Variants in PAX5 observed in about 807,000 individuals in gnomAD.
PAX5 encodes the protein paired box protein Pax-5.
Under a neutral mutation model 43.7 loss-of-function variants are expected in PAX5, and 9 were observed. The ratio of observed to expected loss-of-function variants is 0.21; its 90% CI spans 0.12 to 0.36. The LOEUF (loss-of-function observed/expected upper bound fraction) is 0.36. PAX5 is among the 10% of genes least tolerant of loss of function. The probability of loss-of-function intolerance (pLI) is 1.00; values close to 1 mark genes in which losing one functional copy is unlikely to be tolerated. For synonymous variants in PAX5, 228 were observed against 214.3 expected, an observed-to-expected ratio of 1.06 and a Z score of -0.56; for missense variants, 383 against 532.7, an observed-to-expected ratio of 0.72 and a Z score of 2.77.
chr9:36,959,867 C>T (rs1019594432), intron 6 of PAX5, among the ~76,000 whole-genome samples: 1 of 152,206 alleles, frequency 6.6e-6, no homozygotes, highest in African/African-American at 2.4e-5. Context: ...TACTGTGTGC[C>T]CTTGGCTAAG....
intron 8 of PAX5, among the ~76,000 whole-genome samples, chr9:36,865,509 T>A (rs1161079731): frequency 6.6e-6 from 1 of 151,072 alleles, no homozygotes; most frequent in East Asian, 1.9e-4. Context: ...AATAAGTGAG[T>A]CAAGGAAGAA....
intron 8 of PAX5, among the ~76,000 whole-genome samples, chr9:36,852,261 G>A (rs1202625858): frequency 2.0e-5 from 3 of 152,194 alleles, no homozygotes. Context: ...TCCTGGGCAG[G>A]TGGGAAGAGG....
At position 36,916,155 on chromosome 9, in the gene PAX5, T is replaced by C. The variant is rs1829715122; in HGVS notation, c.910+7200A>G. Among the ~76,000 whole-genome samples the C allele has an allele frequency of 2.6e-5, 4 of 152,146 alleles. No homozygotes were observed. In the South Asian group the frequency reaches 8.3e-4, roughly 32 times the overall value. On this transcript the variant is annotated intron_variant, in intron 7 of 9. Transcript: ENST00000358127. ...TTGTTCAACCTGAATCTTATTTTAA[T>C]ATAAAGAGTGAGGAAGGTATTCAAC...
chr9:36,944,100 C>T (rs918850063), intron 6 of PAX5, among the ~76,000 whole-genome samples: 1 of 152,198 alleles, frequency 6.6e-6, no homozygotes, highest in African/African-American at 2.4e-5. Context: ...AGGAAGATTG[C>T]TTGTGCCCCG....
At chr9:37,023,017 G>A (rs1458724119) in intron 1 of PAX5, among the ~76,000 whole-genome samples, 4 of 152,110 alleles carry the variant, frequency 2.6e-5, no homozygotes, top group Non-Finnish European at 5.9e-5. Flanking sequence ...TCTGGAATTG[G>A]TAAGAAGTGA....
chr9:36,899,325 T>A (rs865862185), intron 7 of PAX5, among the ~76,000 whole-genome samples: 14 of 152,224 alleles, frequency 9.2e-5, no homozygotes, highest in South Asian at 4.1e-4. Context: ...GACAGCTGTC[T>A]AGTAGAAGAC....
Position 36,843,080 on chromosome 9 carries a change from C to G in PAX5, c.1100-2444G>C, listed in dbSNP as rs149317148. Among the ~76,000 whole-genome samples, 11 of 150,010 alleles carry G rather than the reference C, an allele frequency of 7.3e-5. No homozygotes were observed. The East Asian group carries it at 2.0e-3, about 27-fold the overall frequency. ...TATCAGTGTGTGAGCGTGTGTGTGC[C>G]TGTGTGTGTGTGCGTGTGTGTGTGT... On this transcript the variant is annotated intron_variant, in intron 9 of 9. Transcript: ENST00000358127.
intron 6 of PAX5, among the ~76,000 whole-genome samples, chr9:36,946,842 C>T (rs1016394986): frequency 6.6e-6 from 1 of 152,164 alleles, no homozygotes; most frequent in South Asian, 2.1e-4. Context: ...TTGGAAAGCC[C>T]CATGGCTGCT....
chr9:36,871,346 AAGGTT>A (rs1215525326), intron 8 of PAX5, among the ~76,000 whole-genome samples: 1 of 151,912 alleles, frequency 6.6e-6, no homozygotes, highest in Non-Finnish European at 1.5e-5. Flanking sequence ...AAGAAGGCCT[AAGGTT>A]CAGCAAGGCC....
chr9:36,910,602 G>T (rs867327601), intron 7 of PAX5, among the ~76,000 whole-genome samples: 2 of 152,180 alleles, frequency 1.3e-5, no homozygotes, highest in Non-Finnish European at 2.9e-5. Flanking sequence ...GGCAGTGCCT[G>T]GTCTATGAGT....
intron 8 of PAX5, among the ~76,000 whole-genome samples, chr9:36,860,095 C>G (rs1401146676): frequency 2.0e-5 from 3 of 150,014 alleles, no homozygotes; most frequent in Non-Finnish European, 4.4e-5. Flanking sequence ...TTCCAGCATT[C>G]TGGGAGGCTG....
chr9:36,854,718 AG>A (rs1176821712), intron 8 of PAX5, among the ~76,000 whole-genome samples: 2 of 152,124 alleles, frequency 1.3e-5, no homozygotes, highest in Non-Finnish European at 2.9e-5. Flanking sequence ...AGCTCAGTAA[AG>A]GTCAGCCTGT....
intron 1 of PAX5, among the ~76,000 whole-genome samples, chr9:37,031,078 C>T (rs1282462997): frequency 6.6e-6 from 1 of 152,214 alleles, no homozygotes; most frequent in Non-Finnish European, 1.5e-5. Flanking sequence ...TGATTCCTGC[C>T]CCTGGATCAG....
In PAX5 at chr9:37,034,123, T is replaced by TTTTTTTTTC; in HGVS notation, c.-93_-92insGAAAAAAAA. On this transcript the variant is annotated 5_prime_UTR_variant, in exon 1 of 10. Coordinates refer to ENST00000358127, the MANE Select transcript of PAX5 (RefSeq NM_016734.3). ...CTTTTTTTTTTTTTTTTTTTTTTTT[T>TTTTTTTTTC]TTTGGTGCCAGGGGCCGCTCACAGG... is the stretch of plus-strand genomic sequence containing the variant. 1.3e-6 allele frequency: 1 copy of TTTTTTTTTC among 793,286 alleles called. No homozygotes were observed. Among genetic ancestry groups the TTTTTTTTTC allele is most frequent in the Non-Finnish European group, 2.0e-6 (1 of 501,930 alleles). The allele number at this position is 793,286 out of a possible 1,614,324, so 49.1% of individuals were successfully genotyped here. A position where few individuals can be genotyped will look rare whatever the true frequency, so the allele number is the denominator to read the frequency against.
chr9:36,978,590 C>T (rs10973149), intron 5 of PAX5, among the ~76,000 whole-genome samples: 57,350 of 151,862 alleles, frequency 0.38, 11,188 homozygotes, highest in East Asian at 0.61. Context: ...TTTTAAATTA[C>T]TGTCTGTATT....
chr9:37,033,590 G>A (rs1253160450), intron 1 of PAX5, among the ~76,000 whole-genome samples: 3 of 99,986 alleles, frequency 3.0e-5, no homozygotes, highest in African/African-American at 1.1e-4. Context: ...TACCCCACGA[G>A]TATAAAGATA....
intron 1 of PAX5, among the ~76,000 whole-genome samples, chr9:37,021,980 T>C (rs1170478208): frequency 6.6e-6 from 1 of 152,148 alleles, no homozygotes; most frequent in Non-Finnish European, 1.5e-5. Context: ...AACTCTAAAA[T>C]ATGAAATAGC....
chr9:36,971,640 C>T (rs561392103), intron 5 of PAX5, among the ~76,000 whole-genome samples: 1 of 152,184 alleles, frequency 6.6e-6, no homozygotes, highest in East Asian at 1.9e-4. Flanking sequence ...TTTTCTACTC[C>T]AAGTCAAATA....
chr9:37,034,098 C>CTTT lies in PAX5; in HGVS notation c.-70_-68dup, dbSNP rs576653546. 9.7e-3 allele frequency: 3,096 copies of CTTT among 319,624 alleles called. 197 individuals are homozygous for CTTT. The highest frequency in any genetic ancestry group is 0.018 in the African/African-American group (427 of 23,208). The allele number at this position is 319,624 out of a possible 1,614,324, so 19.8% of individuals were successfully genotyped here. A position where few individuals can be genotyped will look rare whatever the true frequency, so the allele number is the denominator to read the frequency against. The stretch of plus-strand genomic sequence containing the variant: ...TCCACTTTTTTGTGCCTTTTTTTTT[C>CTTT]TTTTTTTTTTTTTTTTTTTTTTTTT... On this transcript the variant is annotated 5_prime_UTR_variant, in exon 1 of 10. Transcript: ENST00000358127.
Sources: gnomAD v4.1 joint callset for allele counts (sites outside exome capture counted in the v4.1 genomes callset) on GRCh38, gnomAD v4.1.1 for gene constraint, MANE v1.5 for transcripts, NCBI Gene and HGNC (gene_info 2026-07-23, HGNC 2026-07-21) for gene names.